Variants in STIM1 observed in about 807,000 individuals in gnomAD.
STIM1 encodes the protein stromal interaction molecule 1.
STIM1 carries 25 observed loss-of-function variants against 74.7 expected under a neutral mutation model. The observed-to-expected ratio is 0.33, with a 90% confidence interval of 0.24 to 0.47. The LOEUF (loss-of-function observed/expected upper bound fraction) is 0.47, where lower values mean the gene tolerates loss of function less well. STIM1 is among the 20% of genes least tolerant of loss of function. The probability of loss-of-function intolerance (pLI) is 1.00; values close to 1 mark genes in which losing one functional copy is unlikely to be tolerated. For missense variants in STIM1, 728 were observed against 920.8 expected (o/e 0.79, Z 2.71); for synonymous variants, 328 against 348.8 (o/e 0.94, Z 0.66).
intron 1 of STIM1, among the ~76,000 whole-genome samples, chr11:3,864,973 T>C (rs2090797299): frequency 6.6e-6 from 1 of 152,204 alleles, no homozygotes; most frequent in Admixed American, 6.5e-5. Flanking sequence ...AATTAGAAAC[T>C]AGCTTTTTAT....
chr11:4,077,074 A>G (rs1469600349), intron 7 of STIM1, among the ~76,000 whole-genome samples: 2 of 151,950 alleles, frequency 1.3e-5, no homozygotes, highest in East Asian at 3.8e-4. Context: ...AAGGAAAAGG[A>G]TATGAGAAAA....
chr11:3,905,809 T>C (rs2092456613), intron 1 of STIM1, among the ~76,000 whole-genome samples: 1 of 152,224 alleles, frequency 6.6e-6, no homozygotes, highest in Admixed American at 6.5e-5. Flanking sequence ...TGCTATTTTT[T>C]TTCCATTAAA....
intron 3 of STIM1, among the ~76,000 whole-genome samples, chr11:4,041,746 C>T (rs901774416): frequency 5.9e-5 from 9 of 152,112 alleles, no homozygotes; most frequent in African/African-American, 2.2e-4. Context: ...CGCGCCATCA[C>T]ACACAGCTAA....
At chr11:4,047,557 A>G (rs559837043) in intron 3 of STIM1, among the ~76,000 whole-genome samples, 3 of 152,256 alleles carry the variant, frequency 2.0e-5, no homozygotes, top group African/African-American at 7.2e-5. Context: ...CGGAGGCTTC[A>G]GTGAGCTGAG....
upstream of STIM1, chr11:3,854,910 C>T (rs1361882320): frequency 6.6e-6 from 1 of 152,368 alleles, no homozygotes; most frequent in East Asian, 1.9e-4. Flanking sequence ...ATCATCATTT[C>T]CTCAGAAAAC....
intron 1 of STIM1, among the ~76,000 whole-genome samples, chr11:3,887,494 C>T (rs1461995906): frequency 2.6e-5 from 4 of 152,022 alleles, no homozygotes; most frequent in South Asian, 2.1e-4. Context: ...ATCAGAGTGC[C>T]GACCTACTGA....
At chr11:4,006,370 C>T (rs992329305) in intron 2 of STIM1, among the ~76,000 whole-genome samples, 1 of 152,094 alleles carries the variant, frequency 6.6e-6, no homozygotes, top group African/African-American at 2.4e-5. Flanking sequence ...CCAATTAAAC[C>T]TCTTTTCTTA....
At chr11:3,995,339 T>C (rs1181423669) in intron 2 of STIM1, among the ~76,000 whole-genome samples, 1 of 152,208 alleles carries the variant, frequency 6.6e-6, no homozygotes, top group Non-Finnish European at 1.5e-5. Flanking sequence ...CTTGTTTATT[T>C]ATTTAATGAC....
At chr11:3,902,554 A>C (rs929475571) in intron 1 of STIM1, among the ~76,000 whole-genome samples, 15 of 152,122 alleles carry the variant, frequency 9.9e-5, no homozygotes, top group Admixed American at 9.8e-4. Flanking sequence ...TAGGCTTTGC[A>C]CTCCTGTGAG....
intron 1 of STIM1, among the ~76,000 whole-genome samples, chr11:3,890,308 G>C (rs970171897): frequency 3.3e-5 from 5 of 152,144 alleles, no homozygotes; most frequent in African/African-American, 9.7e-5. Context: ...TGATTTCTGT[G>C]ATCATCCTCT....
chr11:3,859,310 C>T (rs2090508594), intron 1 of STIM1, among the ~76,000 whole-genome samples: 2 of 152,194 alleles, frequency 1.3e-5, no homozygotes. Context: ...CCATTCCTGT[C>T]ACCCTTTGGC....
chr11:4,034,012 C>G (rs959873897), intron 3 of STIM1, among the ~76,000 whole-genome samples: 1 of 151,440 alleles, frequency 6.6e-6, no homozygotes, highest in Non-Finnish European at 1.5e-5. Context: ...GGGTGGATCA[C>G]GAGGTCAGGA....
chr11:4,013,320 G>C (rs144058876), intron 2 of STIM1, among the ~76,000 whole-genome samples: 2,729 of 152,188 alleles, frequency 0.018, 84 homozygotes, highest in African/African-American at 0.063. Context: ...CTTTGTACCT[G>C]TGGTAGAATT....
At chr11:3,935,021 A>G (rs1364941392) in intron 1 of STIM1, among the ~76,000 whole-genome samples, 5 of 152,250 alleles carry the variant, frequency 3.3e-5, no homozygotes, top group Non-Finnish European at 5.9e-5. Context: ...GCTGAAAGGG[A>G]TCTCTACAGA....
At chr11:3,924,423 C>A (rs984603458) in intron 1 of STIM1, among the ~76,000 whole-genome samples, 2 of 152,034 alleles carry the variant, frequency 1.3e-5, no homozygotes, top group Non-Finnish European at 2.9e-5. Context: ...TGGTCTCGAT[C>A]TCCTGACCTC....
chr11:3,962,597 ATTTCTTATCC>A (rs2093299351), intron 1 of STIM1, among the ~76,000 whole-genome samples: 1 of 151,852 alleles, frequency 6.6e-6, no homozygotes, highest in South Asian at 2.1e-4. Flanking sequence ...TTATATAATG[ATTTCTTATCC>A]TTTCTTATCC....
intron 1 of STIM1, among the ~76,000 whole-genome samples, chr11:3,938,811 C>T (rs983118672): frequency 7.9e-5 from 12 of 152,168 alleles, no homozygotes; most frequent in African/African-American, 2.7e-4. Context: ...AGCACCACTG[C>T]GCTCCAGCCT....
At chr11:4,084,422 T>A (rs1245973821) in intron 10 of STIM1, among the ~76,000 whole-genome samples, 1 of 152,216 alleles carries the variant, frequency 6.6e-6, no homozygotes, top group Non-Finnish European at 1.5e-5. Context: ...CCAAGCCTCT[T>A]TGTTCTTCTA....
intron 1 of STIM1, among the ~76,000 whole-genome samples, chr11:3,863,243 TG>T (rs1251176990): frequency 4.6e-5 from 3 of 65,306 alleles, no homozygotes; most frequent in Non-Finnish European, 8.2e-5. Context: ...TGTGTGTGTG[TG>T]TGTGTGTGTG....
Sources: allele counts gnomAD v4.1 joint callset (sites outside exome capture counted in the v4.1 genomes callset), GRCh38; gene constraint gnomAD v4.1.1; transcripts MANE v1.5; gene names NCBI Gene and HGNC (gene_info 2026-07-23, HGNC 2026-07-21).